HK1: variants seen among roughly 807,000 people sequenced by gnomAD.
HK1 encodes the protein hexokinase 1.
In HK1, 28 loss-of-function variants were observed where a neutral mutation model predicts 91.6. The observed-to-expected ratio is 0.31, with a 90% CI of 0.23 to 0.42. The LOEUF is 0.42. Ranked by LOEUF, HK1 falls within the 10% of genes least tolerant of loss-of-function variation. The probability of loss-of-function intolerance (pLI) is 1.00; values close to 1 mark genes in which losing one functional copy is unlikely to be tolerated. For missense variants in HK1, 770 were observed against 1,219.8 expected, an observed-to-expected ratio of 0.63 and a Z score of 5.49; for synonymous variants, 430 against 468.1, an observed-to-expected ratio of 0.92 and a Z score of 1.05.
intron 1 of HK1, among the ~76,000 whole-genome samples, chr10:69,321,910 G>C (rs988395791): frequency 9.9e-5 from 15 of 152,166 alleles, no homozygotes; most frequent in African/African-American, 3.4e-4. Flanking sequence ...CACTCTTCTA[G>C]TGCCTGTAGG....
intron 2 of HK1, among the ~76,000 whole-genome samples, chr10:69,352,813 ACT>A (rs1216382611): frequency 9.2e-5 from 14 of 152,106 alleles, no homozygotes; most frequent in African/African-American, 3.4e-4. Flanking sequence ...TGGTTGCACA[ACT>A]CTGTAAATAT....
At chr10:69,374,945 C>A (rs893522184) in intron 7 of HK1, among the ~76,000 whole-genome samples, 3 of 152,186 alleles carry the variant, frequency 2.0e-5, no homozygotes, top group Admixed American at 2.0e-4. Flanking sequence ...TGGCTGCTAG[C>A]ATGATAGTGA....
upstream of HK1, among the ~76,000 whole-genome samples, chr10:69,315,095 T>G (rs1443717461): frequency 1.3e-5 from 2 of 152,226 alleles, no homozygotes; most frequent in African/African-American, 4.8e-5. Context: ...CTCTATAACC[T>G]TCACATCCTC....
intron 15 of HK1, among the ~76,000 whole-genome samples, chr10:69,393,168 A>G (rs991111699): frequency 2.6e-5 from 4 of 151,450 alleles, no homozygotes; most frequent in African/African-American, 9.7e-5. Context: ...TTTAGTAGAG[A>G]CGGGGTTTCT....
intron 5 of HK1, among the ~76,000 whole-genome samples, chr10:69,309,126 G>A (rs565572853): frequency 4.6e-5 from 7 of 152,060 alleles, no homozygotes; most frequent in Admixed American, 2.0e-4. Flanking sequence ...AGTGAGCTAT[G>A]ATCATACCAC....
upstream of HK1, among the ~76,000 whole-genome samples, chr10:69,318,605 G>A (rs1440144041): frequency 6.6e-6 from 1 of 152,088 alleles, no homozygotes; most frequent in East Asian, 1.9e-4. Context: ...ATGCGGGGTC[G>A]GGGGGGATTT....
At chr10:69,328,725 A>G (rs1847524184) in intron 1 of HK1, among the ~76,000 whole-genome samples, 1 of 152,234 alleles carries the variant, frequency 6.6e-6, no homozygotes, top group African/African-American at 2.4e-5. Flanking sequence ...AGGTTGTCCG[A>G]GCACCATCAC....
chr10:69,295,703 T>A lies in HK1; in HGVS notation c.-67+23T>A, dbSNP rs4746837. The A allele has an allele frequency of 2.6e-4, 381 of 1,450,530 alleles. 5 individuals are homozygous for A. In the South Asian group the frequency reaches 3.9e-3, roughly 15 times the overall value. The allele number at this position is 1,450,530 out of a possible 1,614,324, so 89.9% of individuals were successfully genotyped here. Reference sequence around the variant, plus strand: ...GAGGTAAGAAAGCTATTTTTTTTTTTATTTCCTTCTGTAACATTTTCTGTA... The same window carrying A: ...GAGGTAAGAAAGCTATTTTTTTTTTAATTTCCTTCTGTAACATTTTCTGTA... On this transcript the variant is annotated intron_variant, in intron 4 of 21. Coordinates refer to the HK1 transcript ENST00000360289.
intron 3 of HK1, among the ~76,000 whole-genome samples, chr10:69,292,030 G>T (rs1026025691): frequency 6.6e-6 from 1 of 152,082 alleles, no homozygotes; most frequent in Non-Finnish European, 1.5e-5. Flanking sequence ...TCTATGGGAT[G>T]CTATTTTTTG....
chr10:69,316,921 T>TTCTC (rs1411935714), upstream of HK1, among the ~76,000 whole-genome samples: 1 of 152,222 alleles, frequency 6.6e-6, no homozygotes, highest in African/African-American at 2.4e-5. Flanking sequence ...AACCATCTTG[T>TTCTC]TCTCATTCAC....
At chr10:69,295,634 C>T (rs1272904616) in exon 4 of HK1, 1 of 1,606,426 alleles carries the variant, frequency 6.2e-7, no homozygotes, top group Non-Finnish European at 8.5e-7. Flanking sequence ...TTCTCTAAGG[C>T]TACAGCAGCT....
rs1228409911 is a variant in HK1, at chr10:69,302,011, C to G, written c.27+1150C>G. On this transcript the variant is annotated intron_variant, in intron 5 of 21. Transcript: ENST00000360289. ...TTGTAATCCTAGAACTTTGGGAGGC[C>G]GAAACAGGTGGATCACCTGAGGTCA... Among the ~76,000 whole-genome samples the G allele has an allele frequency of 2.6e-5, 4 of 151,956 alleles. No homozygotes were observed. The East Asian group carries it at 7.7e-4, about 29-fold the overall frequency.
intron 1 of HK1, among the ~76,000 whole-genome samples, chr10:69,339,251 G>A (rs959973983): frequency 6.6e-6 from 1 of 152,228 alleles, no homozygotes; most frequent in African/African-American, 2.4e-5. Context: ...GCCTGGCTGG[G>A]CAGTGTGGCA....
At chr10:69,347,439 A>ATTTT (rs556840743) in intron 2 of HK1, among the ~76,000 whole-genome samples, 4,281 of 140,310 alleles carry the variant, frequency 0.031, 104 homozygotes, top group African/African-American at 0.058. Flanking sequence ...TAGGAGACAG[A>ATTTT]TTTTTTTTTT....
intron 2 of HK1, among the ~76,000 whole-genome samples, chr10:69,348,748 T>C (rs1479954778): frequency 6.6e-6 from 1 of 151,702 alleles, no homozygotes; most frequent in Non-Finnish European, 1.5e-5. Flanking sequence ...GAGGCAGAGT[T>C]GCAGTGAGCT....
At chr10:69,371,881 C>T (rs1850023407) in intron 7 of HK1, among the ~76,000 whole-genome samples, 1 of 152,086 alleles carries the variant, frequency 6.6e-6, no homozygotes, top group Non-Finnish European at 1.5e-5. Context: ...AATGGGGGTA[C>T]AGATGAGAAA....
At chr10:69,306,837 A>G (rs1260391399) in intron 5 of HK1, among the ~76,000 whole-genome samples, 1 of 152,204 alleles carries the variant, frequency 6.6e-6, no homozygotes, top group Non-Finnish European at 1.5e-5. Flanking sequence ...GCAGCTACCT[A>G]TGTAGGGACA....
chr10:69,276,090 CAAAAAAAAAAAAAAAA>C (rs60324656), intron 1 of HK1, among the ~76,000 whole-genome samples: 3,111 of 15,952 alleles, frequency 0.2, 274 homozygotes, highest in Non-Finnish European at 0.28. Flanking sequence ...AACTCCTTTT[CAAAAAAAAAAAAAAAA>C]AAAAAAAAAA....
At chr10:69,297,183 T>C (rs1188985026) in intron 4 of HK1, among the ~76,000 whole-genome samples, 1 of 152,224 alleles carries the variant, frequency 6.6e-6, no homozygotes, top group African/African-American at 2.4e-5. Context: ...TATACTATAT[T>C]CTGTATTCTT....
Sources: gnomAD v4.1 joint callset for allele counts (sites outside exome capture counted in the v4.1 genomes callset) on GRCh38, gnomAD v4.1.1 for gene constraint, MANE v1.5 for transcripts, NCBI Gene and HGNC (gene_info 2026-07-23, HGNC 2026-07-21) for gene names.